The following DLG2 variants were observed in gnomAD, a reference collection of about 807,000 sequenced individuals.
The protein encoded by DLG2 is discs large MAGUK scaffold protein 2, also known as disks large homolog 2.
A neutral mutation model predicts 132.5 loss-of-function variants in DLG2; 45 were observed. That is an observed-to-expected ratio of 0.34 (90% CI 0.27 to 0.44). The LOEUF is 0.44. Ranked by LOEUF, DLG2 falls within the 20% of genes least tolerant of loss-of-function variation. DLG2 has a pLI of 1.00. For synonymous variants in DLG2, 424 were observed against 419.6 expected (o/e 1.01, Z -0.13); for missense variants, 1,045 against 1,196.9 (o/e 0.87, Z 1.87).
chr11:83,537,815 AAAAAAAAAAAAAAAAAAAAAGAGAGAG>A (rs2095927650), intron 20 of DLG2, among the ~76,000 whole-genome samples: 1 of 141,236 alleles, frequency 7.1e-6, no homozygotes, highest in African/African-American at 2.7e-5. Flanking sequence ...CTCAAAAAAA[AAAAAAAAAAAAAAAAAAAAAGAGAGAG>A]AGAGATACCA....
At chr11:84,129,262 T>A (rs1171743641) in intron 9 of DLG2, among the ~76,000 whole-genome samples, 11 of 152,194 alleles carry the variant, frequency 7.2e-5, no homozygotes, top group Middle Eastern at 3.4e-3. Context: ...GTCCAAAGGG[T>A]GAAGTCCCTG....
At chr11:83,697,914 G>C (rs2082207707) in intron 18 of DLG2, among the ~76,000 whole-genome samples, 1 of 152,132 alleles carries the variant, frequency 6.6e-6, no homozygotes, top group Non-Finnish European at 1.5e-5. Context: ...TAAAAGACTT[G>C]CAATGGGTTT....
intron 7 of DLG2, among the ~76,000 whole-genome samples, chr11:84,499,013 G>GC (rs1354749644): frequency 5.9e-5 from 9 of 152,084 alleles, no homozygotes; most frequent in Admixed American, 5.9e-4. Context: ...ATGCTTCTTA[G>GC]CCCCAGGCTG....
chr11:84,494,983 C>T, intron 7 of DLG2, among the ~76,000 whole-genome samples: 1 of 152,048 alleles, frequency 6.6e-6, no homozygotes, highest in East Asian at 1.9e-4. Context: ...CTTCAAACAC[C>T]ATGGGAAATG....
At chr11:83,949,228 T>C (rs1239540692) in intron 14 of DLG2, among the ~76,000 whole-genome samples, 1 of 152,144 alleles carries the variant, frequency 6.6e-6, no homozygotes, top group Non-Finnish European at 1.5e-5. Flanking sequence ...TGTGATAATA[T>C]TTGAAAGGTA....
intron 6 of DLG2, among the ~76,000 whole-genome samples, chr11:85,096,530 A>C (rs1373497215): frequency 1.3e-5 from 2 of 151,280 alleles, no homozygotes; most frequent in African/African-American, 2.4e-5. Flanking sequence ...TGAAGGAACA[A>C]ACTCTGGACA....
intron 6 of DLG2, among the ~76,000 whole-genome samples, chr11:84,828,132 A>C (rs1480245648): frequency 6.6e-6 from 1 of 151,766 alleles, no homozygotes; most frequent in Non-Finnish European, 1.5e-5. Flanking sequence ...AACTGAGAAT[A>C]ATGGTGGGCT....
At chr11:83,640,343 G>A (rs527255820) in intron 18 of DLG2, among the ~76,000 whole-genome samples, 1 of 152,170 alleles carries the variant, frequency 6.6e-6, no homozygotes, top group Non-Finnish European at 1.5e-5. Flanking sequence ...TCAATGGTGT[G>A]TAGTCTGTTG....
intron 8 of DLG2, among the ~76,000 whole-genome samples, chr11:84,231,600 T>C (rs1396999649): frequency 6.6e-6 from 1 of 152,120 alleles, no homozygotes; most frequent in African/African-American, 2.4e-5. Flanking sequence ...GAGAACTGTG[T>C]AGTGGAATCA....
At chr11:84,651,827 C>T (rs1390319366) in intron 6 of DLG2, among the ~76,000 whole-genome samples, 1 of 152,142 alleles carries the variant, frequency 6.6e-6, no homozygotes, top group East Asian at 1.9e-4. Flanking sequence ...AAGGTGAAAA[C>T]TCTGTGATCC....
intron 3 of DLG2, among the ~76,000 whole-genome samples, chr11:85,301,184 G>C (rs947126582): frequency 1.3e-5 from 2 of 152,008 alleles, no homozygotes; most frequent in Non-Finnish European, 2.9e-5. Flanking sequence ...CTGGCTTACA[G>C]AACAAGACTC....
At chr11:83,713,607 G>A (rs2085994073) in intron 18 of DLG2, among the ~76,000 whole-genome samples, 1 of 151,984 alleles carries the variant, frequency 6.6e-6, no homozygotes, top group African/African-American at 2.4e-5. Flanking sequence ...AGTGACATAA[G>A]GAATATATTT....
chr11:85,424,735 C>A (rs2090581023), intron 3 of DLG2, among the ~76,000 whole-genome samples: 1 of 152,090 alleles, frequency 6.6e-6, no homozygotes, highest in Admixed American at 6.6e-5. Flanking sequence ...ACCTGACATT[C>A]AAACTCTGAT....
intron 5 of DLG2, among the ~76,000 whole-genome samples, chr11:85,123,232 C>T (rs2074644490): frequency 6.6e-6 from 1 of 151,814 alleles, no homozygotes. Flanking sequence ...CCGCCTCGGC[C>T]TCCCAAAGTG....
At chr11:85,322,281 G>A (rs1285655548) in intron 3 of DLG2, among the ~76,000 whole-genome samples, 1 of 151,766 alleles carries the variant, frequency 6.6e-6, no homozygotes, top group South Asian at 2.1e-4. Context: ...ATATTCCTTG[G>A]TCCATCACTT....
At chr11:85,218,597 A>G (rs897487559) in intron 4 of DLG2, among the ~76,000 whole-genome samples, 1 of 152,198 alleles carries the variant, frequency 6.6e-6, no homozygotes, top group African/African-American at 2.4e-5. Context: ...AGAAAAGGGA[A>G]CACTTATACA....
At chr11:83,530,202 A>C (rs1330543061) in intron 21 of DLG2, among the ~76,000 whole-genome samples, 1 of 152,110 alleles carries the variant, frequency 6.6e-6, no homozygotes, top group Non-Finnish European at 1.5e-5. Context: ...GTATACAAGT[A>C]GTATTTGTTT....
At position 84,242,686 on chromosome 11, in the gene DLG2, G is replaced by A. The variant is rs572133671; in HGVS notation, c.573+8552C>T. Among the ~76,000 whole-genome samples, 38 of 152,204 alleles carry A rather than the reference G, an allele frequency of 2.5e-4. 1 individual carries two copies. The South Asian group carries it at 5.2e-3, about 21-fold the overall frequency. ...CTCCCATAATGCTGGGATTACAGGCGTGAGCCACCGCACCTGGCCAAAATA... is the reference window on the plus strand; with the variant it reads ...CTCCCATAATGCTGGGATTACAGGCATGAGCCACCGCACCTGGCCAAAATA... On this transcript the variant is annotated intron_variant, in intron 8 of 27. Transcript: ENST00000376104.
At chr11:84,076,886 C>T (rs1276094004) in intron 10 of DLG2, among the ~76,000 whole-genome samples, 1 of 152,190 alleles carries the variant, frequency 6.6e-6, no homozygotes, top group Non-Finnish European at 1.5e-5. Flanking sequence ...TGTGAAGTCT[C>T]TCAAATTATT....
Sources: gnomAD v4.1 joint callset for allele counts (sites outside exome capture counted in the v4.1 genomes callset) on GRCh38, gnomAD v4.1.1 for gene constraint, MANE v1.5 for transcripts, NCBI Gene and HGNC (gene_info 2026-07-23, HGNC 2026-07-21) for gene names.